Variants in PITPNM3 observed in about 807,000 individuals in gnomAD.
PITPNM3 encodes membrane-associated phosphatidylinositol transfer protein 3.
In PITPNM3, 26 loss-of-function variants were observed where a neutral mutation model predicts 102.0. The observed-to-expected ratio is 0.25, with a 90% CI of 0.19 to 0.35. The LOEUF (loss-of-function observed/expected upper bound fraction) is 0.35, where lower values mean the gene tolerates loss of function less well. Among genes scored for constraint, PITPNM3 ranks in the 10% least tolerant of loss-of-function variants. The pLI, the probability that PITPNM3 is intolerant of heterozygous loss-of-function variation, is 1.00. For missense variants in PITPNM3, 1,083 were observed against 1,346.1 expected (o/e 0.80, Z 3.06); for synonymous variants, 578 against 558.6 (o/e 1.03, Z -0.49).
rs165106 is a variant in PITPNM3, at chr17:6,537,844, T to C, written c.118+143A>G. ...AGGCTGAGCCCCTGCTCTTGGCACA[T>C]CCACAGGATGGGTAAGTATGGAGTG... is the stretch of plus-strand genomic sequence containing the variant. On this transcript the variant is annotated intron_variant, in intron 2 of 19. Transcript: ENST00000262483. The surrounding 1 kb of genome is among the most constrained non-coding windows in gnomAD (Gnocchi z 4.4). 0.69 allele frequency: 531,702 copies of C among 767,308 alleles called. 186,436 individuals are homozygous for C. Among genetic ancestry groups the C allele is most frequent in the African/African-American group, 0.85 (49,522 of 58,222 alleles). 47.5% of individuals were successfully genotyped at this position (767,308 alleles called of 1,614,324 possible). A position where few individuals can be genotyped will look rare whatever the true frequency, so the allele number is the denominator to read the frequency against.
In PITPNM3 at chr17:6,451,369, GT is replaced by G. The variant is rs1913824149; in HGVS notation, c.*3968del. ...AAAAATCTTTTAACTCCATAATGCTGTTTTTGTCTTGTTAGAAATCTGATAT... is the reference window on the plus strand; with the variant it reads ...AAAAATCTTTTAACTCCATAATGCTGTTTTGTCTTGTTAGAAATCTGATAT... On this transcript the variant is annotated 3_prime_UTR_variant, in exon 20 of 20. Coordinates refer to ENST00000262483, the MANE Select transcript of PITPNM3 (RefSeq NM_031220.4). 6.6e-6 allele frequency: 1 copy of G among 152,236 alleles called. No homozygotes were observed. The highest frequency in any genetic ancestry group is 2.4e-5 in the African/African-American group (1 of 41,464). 9.4% of individuals were successfully genotyped at this position (152,236 alleles called of 1,614,324 possible).
At chr17:6,538,720 T>C (rs899801673) in intron 1 of PITPNM3, among the ~76,000 whole-genome samples, 1 of 152,172 alleles carries the variant, frequency 6.6e-6, no homozygotes, top group Non-Finnish European at 1.5e-5. Flanking sequence ...AGTTTTTCCA[T>C]CTGTACAATG....
At chr17:6,540,770 T>G (rs1020281813) in intron 1 of PITPNM3, among the ~76,000 whole-genome samples, 1 of 152,238 alleles carries the variant, frequency 6.6e-6, no homozygotes, top group Non-Finnish European at 1.5e-5. Flanking sequence ...GAGATTCTCC[T>G]GCCTCAGCCT....
intron 1 of PITPNM3, among the ~76,000 whole-genome samples, chr17:6,551,999 C>T (rs970052685): frequency 1.3e-5 from 2 of 152,184 alleles, no homozygotes; most frequent in Admixed American, 6.5e-5. Flanking sequence ...ACCTACCTCT[C>T]ACGGGCCCTC....
Position 6,483,596 on chromosome 17 carries a change from G to A in PITPNM3, c.508C>T (p.Pro170Ser), listed in dbSNP as rs751922063. ...ATGAGGATGTGGCCCAGGGCAGCAGGGAAATGGGCTCGTGTGACCTTCTCC... is the reference window on the plus strand; with the variant it reads ...ATGAGGATGTGGCCCAGGGCAGCAGAGAAATGGGCTCGTGTGACCTTCTCC... ...VLEKVTRAHF[P>S]AALGHILIKF... Residue 170 changes from proline to serine, a missense_variant, in exon 6 of 20, where the codon CCT becomes TCT. Coordinates refer to ENST00000262483, the MANE Select transcript of PITPNM3 (RefSeq NM_031220.4). The A allele has an allele frequency of 6.2e-7, 1 of 1,614,088 alleles. No individual in the cohort carries two copies. Among genetic ancestry groups the A allele is most frequent in the Non-Finnish European group, 8.5e-7 (1 of 1,180,014 alleles).
At chr17:6,495,486 C>T (rs1178172990) in intron 4 of PITPNM3, among the ~76,000 whole-genome samples, 1 of 152,124 alleles carries the variant, frequency 6.6e-6, no homozygotes, top group Non-Finnish European at 1.5e-5. Flanking sequence ...CTATACGGGT[C>T]CCTTCGCAAC....
At chr17:6,475,571 C>T (rs1905266993) in intron 9 of PITPNM3, among the ~76,000 whole-genome samples, 1 of 152,352 alleles carries the variant, frequency 6.6e-6, no homozygotes, top group Non-Finnish European at 1.5e-5. Context: ...CCTCCTGCCT[C>T]TTGCAGTGTG....
chr17:6,520,851 G>A (rs1180816121), intron 3 of PITPNM3, among the ~76,000 whole-genome samples: 3 of 152,164 alleles, frequency 2.0e-5, no homozygotes, highest in Non-Finnish European at 2.9e-5. Flanking sequence ...AACGAACCTC[G>A]AAAGCATTAT....
At chr17:6,504,179 T>C (rs192308254) in intron 3 of PITPNM3, among the ~76,000 whole-genome samples, 1 of 152,234 alleles carries the variant, frequency 6.6e-6, no homozygotes, top group East Asian at 1.9e-4. Context: ...CCTCCTGGTC[T>C]CCCCAAGGGA....
intron 3 of PITPNM3, among the ~76,000 whole-genome samples, chr17:6,523,241 G>T (rs1908644949): frequency 6.6e-6 from 1 of 152,204 alleles, no homozygotes; most frequent in Admixed American, 6.5e-5. Flanking sequence ...ATCATTATAA[G>T]AATGACCTGC....
chr17:6,488,631 T>C (rs1906238964), intron 4 of PITPNM3, among the ~76,000 whole-genome samples: 1 of 152,116 alleles, frequency 6.6e-6, no homozygotes, highest in Non-Finnish European at 1.5e-5. Context: ...GAGAAGCACG[T>C]TGCTTCAAAG....
chr17:6,456,027 T>C (rs1275039365), intron 19 of PITPNM3, among the ~76,000 whole-genome samples: 1 of 151,956 alleles, frequency 6.6e-6, no homozygotes, highest in Admixed American at 6.5e-5. Flanking sequence ...TTTTAATTAA[T>C]TAATTTATTT....
Position 6,464,758 on chromosome 17 carries a change from T to G in PITPNM3, c.1904A>C (p.Asn635Thr), listed in dbSNP as rs1904673640. ...TQVKLRNVTA[N>T]HRANDVIAAE... ...AGCAATCACATCATTGGCCCGGTGA[T>G]TAGCCGTGACATTCTGGAAGGACAG... Residue 635 changes from asparagine to threonine, a missense_variant, in exon 15 of 20, where the codon AAT becomes ACT. Transcript: ENST00000262483. 1 of 1,614,042 alleles carries G rather than the reference T, an allele frequency of 6.2e-7. No homozygotes were observed. Among genetic ancestry groups the G allele is most frequent in the African/African-American group, 1.3e-5 (1 of 74,914 alleles).
chr17:6,497,579 A>G (rs968105852), intron 4 of PITPNM3, among the ~76,000 whole-genome samples: 4 of 152,166 alleles, frequency 2.6e-5, no homozygotes, highest in African/African-American at 9.7e-5. Context: ...TTCTGGGGAC[A>G]AGAGGAAGTT....
Position 6,478,033 on chromosome 17 carries a change from C to T in PITPNM3, c.842G>A (p.Gly281Glu). 1 of 1,613,702 alleles carries T rather than the reference C, an allele frequency of 6.2e-7. No individual in the cohort carries two copies. The highest frequency in any genetic ancestry group is 8.5e-7 in the Non-Finnish European group (1 of 1,180,040). Residue 281 changes from glycine (G) to glutamate (E), a missense_variant, in exon 8 of 20, where the codon GGG becomes GAG. By Grantham distance (98) the Gly-to-Glu change is moderately conservative. Transcript: ENST00000262483. This position sits in a 1 kb window ranked among gnomAD's most constrained non-coding sequence, Gnocchi z 4.4. ...GCTGGCAGGGCTGTCCCCTGAGGGCCCCGCACTGTAGCAGATGGCATCGAA... is the reference window on the plus strand; with the variant it reads ...GCTGGCAGGGCTGTCCCCTGAGGGCTCCGCACTGTAGCAGATGGCATCGAA... ...LAFDAICYSA[G>E]PSGDSPASSS...
At chr17:6,515,424 A>T (rs539247811) in intron 3 of PITPNM3, among the ~76,000 whole-genome samples, 1 of 151,694 alleles carries the variant, frequency 6.6e-6, no homozygotes, top group Non-Finnish European at 1.5e-5. Context: ...AAAGAAAGAA[A>T]GAAAAGAAAA....
intron 1 of PITPNM3, among the ~76,000 whole-genome samples, chr17:6,550,175 G>A (rs73975612): frequency 0.013 from 1,991 of 152,318 alleles, 38 homozygotes; most frequent in African/African-American, 0.045. Context: ...GCTCTCCTTC[G>A]TTAGACAAGT....
intron 4 of PITPNM3, among the ~76,000 whole-genome samples, chr17:6,490,472 G>A (rs1483307063): frequency 1.3e-5 from 2 of 152,174 alleles, no homozygotes; most frequent in African/African-American, 4.8e-5. Context: ...GGACCTTGAA[G>A]GGGACCCAGA....
chr17:6,486,854 CCCA>C (rs1251207452), intron 4 of PITPNM3, among the ~76,000 whole-genome samples: 2 of 152,170 alleles, frequency 1.3e-5, no homozygotes, highest in African/African-American at 4.8e-5. Context: ...CTCTCTAGTC[CCCA>C]CAATTACTCT....
Sources: gnomAD v4.1 joint callset for allele counts (sites outside exome capture counted in the v4.1 genomes callset) on GRCh38, gnomAD v4.1.1 for gene constraint, Gnocchi (gnomAD v3.1) non-coding constraint, MANE v1.5 for transcripts, NCBI Gene and HGNC (gene_info 2026-07-23, HGNC 2026-07-21) for gene names.